The following FIBCD1 variants were observed in gnomAD, a reference collection of about 807,000 sequenced individuals.
The protein encoded by FIBCD1 is fibrinogen C domain-containing protein 1.
FIBCD1 carries 47 observed loss-of-function variants against 45.1 expected under a neutral mutation model. The observed-to-expected ratio is 1.04, with a 90% confidence interval of 0.82 to 1.33. The LOEUF (loss-of-function observed/expected upper bound fraction) is 1.33. FIBCD1 is among the 40% of genes most tolerant of loss of function. The probability of loss-of-function intolerance (pLI) is 0.00; values close to 1 mark genes in which losing one functional copy is unlikely to be tolerated. For missense variants in FIBCD1, 653 were observed against 682.2 expected, an observed-to-expected ratio of 0.96 and a Z score of 0.48; for synonymous variants, 313 against 308.1, an observed-to-expected ratio of 1.02 and a Z score of -0.17.
At chr9:130,907,609 A>G (rs1337299252) in intron 5 of FIBCD1, among the ~76,000 whole-genome samples, 1 of 152,234 alleles carries the variant, frequency 6.6e-6, no homozygotes, top group Non-Finnish European at 1.5e-5. Context: ...CTAGAAAAAC[A>G]GAAGAAAAGC....
chr9:130,913,191 C>T (rs541817000), intron 4 of FIBCD1, among the ~76,000 whole-genome samples: 149 of 151,752 alleles, frequency 9.8e-4, no homozygotes, highest in Non-Finnish European at 1.5e-3. Context: ...TTACAGGATC[C>T]GCTGACAATC....
intron 2 of FIBCD1, among the ~76,000 whole-genome samples, chr9:130,927,812 GCGCCCGC>G (rs1475824753): frequency 1.3e-5 from 2 of 152,224 alleles, no homozygotes; most frequent in Non-Finnish European, 2.9e-5. Context: ...GGGATTACAG[GCGCCCGC>G]CTGGCTAATT....
At chr9:130,904,631 C>T (rs750200072) in intron 6 of FIBCD1, among the ~76,000 whole-genome samples, 16 of 150,440 alleles carry the variant, frequency 1.1e-4, no homozygotes, top group Non-Finnish European at 2.1e-4. Context: ...CCCCGCTCCT[C>T]GGCCTGAGAG....
rs1043956178 is a variant in FIBCD1 at position 130,905,144 on chromosome 9, C to T, written c.1126+90G>A. Reference sequence around the variant, plus strand: ...TTTCAAAGGGGGAAAAATACATTAGCCTTGATCATTTTGGAGGGCAGGACC... The same window carrying T: ...TTTCAAAGGGGGAAAAATACATTAGTCTTGATCATTTTGGAGGGCAGGACC... On this transcript the variant is annotated intron_variant, in intron 6 of 6. Coordinates refer to ENST00000372338, the MANE Select transcript of FIBCD1 (RefSeq NM_032843.5). 16 of 1,297,472 alleles carry T rather than the reference C, an allele frequency of 1.2e-5. No individual in the cohort carries two copies. The African/African-American group carries it at 1.6e-4, about 13-fold the overall frequency. 80.4% of individuals were successfully genotyped at this position (1,297,472 alleles called of 1,614,324 possible). A position where few individuals can be genotyped will look rare whatever the true frequency, so the allele number is the denominator to read the frequency against.
intron 2 of FIBCD1, among the ~76,000 whole-genome samples, chr9:130,929,293 A>G (rs1455596990): frequency 1.3e-5 from 2 of 152,114 alleles, no homozygotes; most frequent in Non-Finnish European, 2.9e-5. Context: ...GGATTTACTG[A>G]GTGCCAAGTG....
At chr9:130,923,525 G>A (rs746029028) in intron 4 of FIBCD1, among the ~76,000 whole-genome samples, 6 of 152,138 alleles carry the variant, frequency 3.9e-5, no homozygotes, top group Admixed American at 3.3e-4. Context: ...CCTAATGTCC[G>A]CTCCAGAGTG....
intron 1 of FIBCD1, among the ~76,000 whole-genome samples, chr9:130,937,037 T>A (rs1832529350): frequency 6.6e-6 from 1 of 151,808 alleles, no homozygotes; most frequent in African/African-American, 2.4e-5. Flanking sequence ...ACAGAAAAGA[T>A]CTGGAAATGG....
rs560271612 is a variant in FIBCD1 at position 130,922,384 on chromosome 9, T to C, written c.849+1360A>G. On this transcript the variant is annotated intron_variant, in intron 4 of 6. Coordinates refer to ENST00000372338, the MANE Select transcript of FIBCD1 (RefSeq NM_032843.5). The surrounding 1 kb of genome is among the most constrained non-coding windows in gnomAD (Gnocchi z 4.5). ...CTTCTCAGCTGAGCCCCCCACTTTC[T>C]TGTGCTTGCAGTTAAGAGGTCTAAG... 6.6e-6 allele frequency among the ~76,000 whole-genome samples: 1 copy of C among 152,234 alleles called. No homozygotes were observed. Among genetic ancestry groups the C allele is most frequent in the African/African-American group, 2.4e-5 (1 of 41,536 alleles).
intron 1 of FIBCD1, among the ~76,000 whole-genome samples, chr9:130,935,311 G>A (rs1205124003): frequency 1.3e-5 from 2 of 152,216 alleles, no homozygotes; most frequent in Admixed American, 1.3e-4. Context: ...CGGTTGCAGA[G>A]TGACTTCCTG....
intron 1 of FIBCD1, among the ~76,000 whole-genome samples, chr9:130,934,854 C>T (rs1420978033): frequency 6.6e-6 from 1 of 152,180 alleles, no homozygotes; most frequent in African/African-American, 2.4e-5. Flanking sequence ...CTCAGCCACA[C>T]CACTCCCCAG....
rs371728623 is a variant in FIBCD1 at position 130,929,728 on chromosome 9, C to T, written c.391G>A (p.Asp131Asn). 1.2e-5 allele frequency: 19 copies of T among 1,584,552 alleles called. No individual in the cohort carries two copies. The highest frequency in any genetic ancestry group is 9.4e-5 in the African/African-American group (7 of 74,092). ...GTGTCCAGCAGCTCCTGCTCCTGGT[C>T]GCCCACCAGCCGTGGCTGGGCCTGG... ...EHQAQPRLVG[D>N]QEQELLDTLA... The change falls in exon 2 of 7, where the codon GAC (aspartate) becomes AAC (asparagine). Residue 131 changes from aspartate to asparagine, a missense_variant. Transcript: ENST00000372338.
intron 4 of FIBCD1, among the ~76,000 whole-genome samples, chr9:130,919,604 C>G (rs1832223668): frequency 6.6e-6 from 1 of 152,204 alleles, no homozygotes; most frequent in Non-Finnish European, 1.5e-5. Flanking sequence ...GGATTTTCCT[C>G]CCGGCCTAAA....
At chr9:130,909,728 G>A (rs1043754004) in intron 5 of FIBCD1, among the ~76,000 whole-genome samples, 1 of 150,760 alleles carries the variant, frequency 6.6e-6, no homozygotes, top group African/African-American at 2.4e-5. Flanking sequence ...ATGAAGTTTT[G>A]TTTAGAATAT....
In FIBCD1 at chr9:130,924,278, C is replaced by G. The variant is rs369844233; in HGVS notation, c.671G>C (p.Arg224Thr). Reference protein sequence around the residue: ...GRPRNKADLQRAPARGTRPRG... With the variant: ...GRPRNKADLQTAPARGTRPRG... ...GGGCCGGGTTCCCCGGGCAGGCGCT[C>G]TCTGAAGGTCGGCCTTGTTGCGGGG... Residue 224 changes from arginine to threonine, a missense_variant, in exon 3 of 7, where the codon AGA becomes ACA. Coordinates refer to ENST00000372338, the MANE Select transcript of FIBCD1 (RefSeq NM_032843.5). The G allele has an allele frequency of 7.5e-6, 12 of 1,602,788 alleles. No homozygotes were observed. The African/African-American group carries it at 1.5e-4, about 20-fold the overall frequency.
intron 5 of FIBCD1, among the ~76,000 whole-genome samples, chr9:130,911,264 GCGCGC>G (rs1832037832): frequency 1.3e-5 from 2 of 152,136 alleles, no homozygotes; most frequent in East Asian, 3.9e-4. Flanking sequence ...AAAACTCCAG[GCGCGC>G]TACCTTAAGA....
At chr9:130,912,837 C>T (rs1350249413) in intron 4 of FIBCD1, among the ~76,000 whole-genome samples, 1 of 151,496 alleles carries the variant, frequency 6.6e-6, no homozygotes, top group Non-Finnish European at 1.5e-5. Flanking sequence ...TTTTCCAGGT[C>T]AAAACAAAAC....
chr9:130,905,892 G>T (rs956839272), intron 5 of FIBCD1, among the ~76,000 whole-genome samples: 1 of 152,202 alleles, frequency 6.6e-6, no homozygotes, highest in Admixed American at 6.5e-5. Context: ...CTGACCTCCT[G>T]TCGGCGTTGA....
Position 130,911,800 on chromosome 9 carries a change from T to C in FIBCD1, c.938A>G (p.His313Arg), listed in dbSNP as rs780268824. 2 of 1,599,880 alleles carry C rather than the reference T, an allele frequency of 1.3e-6. No homozygotes were observed. Among genetic ancestry groups the C allele is most frequent in the Non-Finnish European group, 1.7e-6 (2 of 1,174,512 alleles). ...RDGFGRLTGE[H>R]WLGLKRIHAL... ...GTGGGTGGGGTGCTCACCTAGCCAGTGCTCCCCGGTGAGCCTGCCAAAGCC... is the reference window on the plus strand; with the variant it reads ...GTGGGTGGGGTGCTCACCTAGCCAGCGCTCCCCGGTGAGCCTGCCAAAGCC... The change falls in exon 5 of 7, where the codon CAC becomes CGC. Residue 313 changes from histidine to arginine, a missense_variant. His to Arg is a conservative substitution (Grantham distance 29, BLOSUM62 0). Coordinates refer to ENST00000372338, the MANE Select transcript of FIBCD1 (RefSeq NM_032843.5).
chr9:130,932,164 A>G (rs1474378605), intron 1 of FIBCD1, among the ~76,000 whole-genome samples: 1 of 152,260 alleles, frequency 6.6e-6, no homozygotes, highest in African/African-American at 2.4e-5. Flanking sequence ...ACAGAGACAG[A>G]TGCCTCTTAC....
Sources: gnomAD v4.1 joint callset for allele counts (sites outside exome capture counted in the v4.1 genomes callset) on GRCh38, gnomAD v4.1.1 for gene constraint, Gnocchi (gnomAD v3.1) non-coding constraint, MANE v1.5 for transcripts, NCBI Gene and HGNC (gene_info 2026-07-23, HGNC 2026-07-21) for gene names.